The following PHF24 variants were observed in gnomAD, a reference collection of about 807,000 sequenced individuals.
The protein encoded by PHF24 is Galpha inhibitory interacting protein.
In PHF24, 25 loss-of-function variants were observed where a neutral mutation model predicts 42.6. That is an observed-to-expected ratio of 0.59 (90% CI 0.43 to 0.82). The LOEUF (loss-of-function observed/expected upper bound fraction) is 0.82. Among genes scored for constraint, PHF24 ranks in the 40% least tolerant of loss-of-function variants. PHF24 has a pLI of 0.00. For synonymous variants in PHF24, 185 were observed against 204.8 expected, an observed-to-expected ratio of 0.90 and a Z score of 0.83; for missense variants, 470 against 538.1, an observed-to-expected ratio of 0.87 and a Z score of 1.25.
chr9:34,870,203 C>T, the PHF24 span, among the ~76,000 whole-genome samples: 2 of 152,106 alleles, frequency 1.3e-5, no homozygotes, highest in Non-Finnish European at 2.9e-5. Context: ...GATGAACCTA[C>T]ATTGACACAT....
At chr9:34,804,154 C>T in the PHF24 span, among the ~76,000 whole-genome samples, 1 of 152,134 alleles carries the variant, frequency 6.6e-6, no homozygotes, top group Non-Finnish European at 1.5e-5. Flanking sequence ...TCCCAACTTC[C>T]TATTATGTGA....
At chr9:34,971,782 T>C (rs1826999222) in intron 2 of PHF24, 106 bp downstream of exon 2, 2 of 1,309,630 alleles carry the variant, frequency 1.5e-6, no homozygotes. Context: ...AAAATGGAGC[T>C]GAGTCCAAAA....
chr9:34,840,542 T>TC, the PHF24 span, among the ~76,000 whole-genome samples: 1 of 148,256 alleles, frequency 6.7e-6, no homozygotes, highest in East Asian at 2.1e-4. Flanking sequence ...TCTCCTTCCT[T>TC]CTTCTTCTTC....
At chr9:34,978,514 A>G (rs1827285579) in exon 8 of PHF24, 1 of 168,870 alleles carries the variant, frequency 5.9e-6, no homozygotes, top group South Asian at 1.7e-4. Flanking sequence ...CACCCCTTCT[A>G]TAGGCAGGCC....
chr9:34,798,659 C>T, the PHF24 span, among the ~76,000 whole-genome samples: 4 of 152,276 alleles, frequency 2.6e-5, no homozygotes, highest in Non-Finnish European at 4.4e-5. Context: ...TATTGTGAAT[C>T]GTGCTGTGAT....
At chr9:34,856,158 G>A in the PHF24 span, among the ~76,000 whole-genome samples, 1 of 152,058 alleles carries the variant, frequency 6.6e-6, no homozygotes. Flanking sequence ...GGATATTCTG[G>A]TTATCAGTTC....
At chr9:34,898,639 G>T in the PHF24 span, among the ~76,000 whole-genome samples, 1 of 152,200 alleles carries the variant, frequency 6.6e-6, no homozygotes, top group Non-Finnish European at 1.5e-5. Context: ...GCTTGAGTCA[G>T]CTTTTTAGTA....
In PHF24 at chr9:34,958,833, T is replaced by G. The variant is rs1049848000; in HGVS notation, c.-5+432T>G. ...GAGGGCTCCCTAGAAAAGGAGGACC[T>G]GAGACTGTGCCCTAGAACTGTGGGA... On this transcript the variant is annotated intron_variant, in intron 1 of 7. Transcript: ENST00000242315. The surrounding 1 kb of genome is among the most constrained non-coding windows in gnomAD (Gnocchi z 4.5). 1.3e-5 allele frequency among the ~76,000 whole-genome samples: 2 copies of G among 152,108 alleles called. No individual in the cohort carries two copies. Among genetic ancestry groups the G allele is most frequent in the African/African-American group, 4.8e-5 (2 of 41,446 alleles).
At chr9:34,693,798 T>C in the PHF24 span, among the ~76,000 whole-genome samples, 1 of 152,346 alleles carries the variant, frequency 6.6e-6, no homozygotes, top group African/African-American at 2.4e-5. Flanking sequence ...TTATCAGAGA[T>C]CTTTGTTTCT....
rs141298768 is a variant in PHF24, at chr9:34,972,913, GA to G, written c.564+401del. Among the ~76,000 whole-genome samples, 338 of 78,774 alleles carry G rather than the reference GA, an allele frequency of 4.3e-3. 2 individuals carry two copies. In the South Asian group the frequency reaches 0.044, roughly 10 times the overall value. The allele number at this position is 78,774 out of a possible 152,430, so 51.7% of individuals were successfully genotyped here. On this transcript the variant is annotated intron_variant, in intron 3 of 7. Transcript: ENST00000242315. Reference sequence around the variant, plus strand: ...TGGCGACAGAGCGAGACTCTGTCTCGAAAAAAAAAAAAAAAAAAAGATTTTT... The same window carrying G: ...TGGCGACAGAGCGAGACTCTGTCTCGAAAAAAAAAAAAAAAAAAGATTTTT...
At chr9:34,951,910 G>A in the PHF24 span, among the ~76,000 whole-genome samples, 1 of 152,202 alleles carries the variant, frequency 6.6e-6, no homozygotes, top group East Asian at 1.9e-4. Context: ...CTAACAAAGA[G>A]CTTCTACAAC....
chr9:34,746,937 T>C, the PHF24 span, among the ~76,000 whole-genome samples: 2 of 151,978 alleles, frequency 1.3e-5, no homozygotes, highest in Non-Finnish European at 2.9e-5. Flanking sequence ...TTAGGAAAAA[T>C]TTCTTAAAAA....
chr9:34,747,140 G>A, the PHF24 span, among the ~76,000 whole-genome samples: 3 of 152,176 alleles, frequency 2.0e-5, no homozygotes, highest in Non-Finnish European at 4.4e-5. Flanking sequence ...GGACATAGTG[G>A]CACACACCTA....
chr9:34,915,461 A>G, the PHF24 span, among the ~76,000 whole-genome samples: 4 of 148,192 alleles, frequency 2.7e-5, no homozygotes, highest in African/African-American at 1.0e-4. Context: ...CTCATTTCAT[A>G]TTTTGAACAA....
At chr9:34,866,158 T>G in the PHF24 span, among the ~76,000 whole-genome samples, 1 of 152,172 alleles carries the variant, frequency 6.6e-6, no homozygotes, top group Non-Finnish European at 1.5e-5. Flanking sequence ...CAAATATATT[T>G]CCTGCTAAAC....
the PHF24 span, among the ~76,000 whole-genome samples, chr9:34,800,587 A>G: frequency 6.6e-6 from 1 of 152,168 alleles, no homozygotes; most frequent in Non-Finnish European, 1.5e-5. Flanking sequence ...CTATTTAATA[A>G]ACGGTGCCGG....
chr9:34,700,542 G>A, the PHF24 span, among the ~76,000 whole-genome samples: 2 of 152,202 alleles, frequency 1.3e-5, no homozygotes, highest in Non-Finnish European at 2.9e-5. Context: ...GATTGAAGAG[G>A]AGTGGGTTTG....
chr9:34,820,268 G>A, the PHF24 span, among the ~76,000 whole-genome samples: 2 of 151,924 alleles, frequency 1.3e-5, no homozygotes, highest in Admixed American at 6.6e-5. Flanking sequence ...GGGTACATGT[G>A]CAGGATTGTT....
the PHF24 span, among the ~76,000 whole-genome samples, chr9:34,901,654 G>C: frequency 6.6e-6 from 1 of 152,164 alleles, no homozygotes; most frequent in African/African-American, 2.4e-5. Flanking sequence ...GGTGGCTCAT[G>C]CCTGTAATCC....
Sources: allele counts gnomAD v4.1 joint callset (sites outside exome capture counted in the v4.1 genomes callset), GRCh38; gene constraint gnomAD v4.1.1; non-coding constraint Gnocchi (gnomAD v3.1); transcripts MANE v1.5; gene names NCBI Gene and HGNC (gene_info 2026-07-23, HGNC 2026-07-21).